The following HERC3 variants were observed in gnomAD, a reference collection of about 807,000 sequenced individuals.
HERC3 encodes HECT and RLD domain containing E3 ubiquitin protein ligase 3.
Under a neutral mutation model 129.9 loss-of-function variants are expected in HERC3, and 58 were observed. That is an observed-to-expected ratio of 0.45 (90% confidence interval 0.36 to 0.56). HERC3 has a LOEUF of 0.56. Among genes scored for constraint, HERC3 ranks in the 20% least tolerant of loss-of-function variants. The pLI is 0.00. For missense variants in HERC3, 835 were observed against 1,244.2 expected, an observed-to-expected ratio of 0.67 and a Z score of 4.95; for synonymous variants, 430 against 451.0, an observed-to-expected ratio of 0.95 and a Z score of 0.59.
chr4:88,654,349 C>CATATTTATAT, intron 7 of HERC3, among the ~76,000 whole-genome samples: 1 of 70,950 alleles, frequency 1.4e-5, no homozygotes, highest in South Asian at 5.5e-4. Flanking sequence ...GTAGATTTTT[C>CATATTTATAT]ATATATATAT....
chr4:88,611,131 G>A (rs1724269426), intron 3 of HERC3, among the ~76,000 whole-genome samples: 1 of 152,232 alleles, frequency 6.6e-6, no homozygotes. Context: ...TCTGTTGTTG[G>A]TTAAGCTTGT....
chr4:88,688,884 T>C (rs1733761414), intron 23 of HERC3, among the ~76,000 whole-genome samples: 1 of 152,124 alleles, frequency 6.6e-6, no homozygotes, highest in African/African-American at 2.4e-5. Flanking sequence ...CTCTTGAGGA[T>C]TTGAGCATAA....
intron 3 of HERC3, among the ~76,000 whole-genome samples, chr4:88,640,391 G>T (rs1727949602): frequency 6.6e-6 from 1 of 152,194 alleles, no homozygotes; most frequent in South Asian, 2.1e-4. Context: ...ATCCTATGCA[G>T]CCATGAAAAG....
At position 88,666,857 on chromosome 4, in the gene HERC3, A is replaced by G. The variant is rs544018093; in HGVS notation, c.1332-520A>G. Among the ~76,000 whole-genome samples the G allele has an allele frequency of 2.0e-5, 3 of 152,202 alleles. No individual in the cohort carries two copies. The South Asian group carries it at 6.2e-4, about 31-fold the overall frequency. The stretch of plus-strand genomic sequence containing the variant: ...TAACGATGAGAGACATTAACTTTGC[A>G]TTTACTATAGATCATTTTTATTTTA... On this transcript the variant is annotated intron_variant, in intron 12 of 25. Coordinates refer to ENST00000402738, the MANE Select transcript of HERC3 (RefSeq NM_014606.3).
chr4:88,568,860 T>C, the HERC3 span, among the ~76,000 whole-genome samples: 1 of 151,816 alleles, frequency 6.6e-6, no homozygotes, highest in Admixed American at 6.5e-5. Context: ...CTATCTACTC[T>C]CCCTTCTCCT....
At chr4:88,648,968 T>C (rs973091342) in intron 3 of HERC3, among the ~76,000 whole-genome samples, 1 of 152,230 alleles carries the variant, frequency 6.6e-6, no homozygotes, top group East Asian at 1.9e-4. Context: ...GTTTGTTTTT[T>C]GAATAATACT....
intron 23 of HERC3, among the ~76,000 whole-genome samples, chr4:88,694,425 G>C (rs1734385144): frequency 6.6e-6 from 1 of 152,136 alleles, no homozygotes; most frequent in African/African-American, 2.4e-5. Context: ...TGAAAATGTA[G>C]AGTGTGTCTT....
intron 3 of HERC3, among the ~76,000 whole-genome samples, chr4:88,640,367 A>G (rs992134933): frequency 1.3e-5 from 2 of 152,222 alleles, no homozygotes; most frequent in Non-Finnish European, 2.9e-5. Context: ...AATGTGATAC[A>G]TATACACCAT....
chr4:88,688,590 C>T (rs1025452341), intron 23 of HERC3, among the ~76,000 whole-genome samples: 4 of 152,074 alleles, frequency 2.6e-5, no homozygotes, highest in Non-Finnish European at 5.9e-5. Flanking sequence ...TAATAGGAAA[C>T]AGAGTCTATA....
rs1301539997 is a variant in HERC3 at position 88,652,990 on chromosome 4, G to A, written c.585G>A (p.Val195=). The A allele has an allele frequency of 6.2e-7, 1 of 1,614,232 alleles. No individual in the cohort carries two copies. Among genetic ancestry groups the A allele is most frequent in the South Asian group, 1.1e-5 (1 of 91,092 alleles). The change falls in exon 6 of 26, where the codon GTG becomes GTA. Residue 195 remains valine, a synonymous_variant. Transcript: ENST00000402738. ...TGGAGGGGATCCCACTGGCTCAGGT[G>A]GCTGCCGGAGGGGCTCACAGCTTTG... ...RSLEGIPLAQ[V]AAGGAHSFAL...
intron 1 of HERC3, among the ~76,000 whole-genome samples, chr4:88,593,007 A>T (rs572636020): frequency 6.6e-6 from 1 of 151,964 alleles, no homozygotes; most frequent in South Asian, 2.1e-4. Context: ...GGTTCCAGGG[A>T]CCTCCGTGCA....
intron 3 of HERC3, among the ~76,000 whole-genome samples, chr4:88,613,169 T>C (rs974690755): frequency 2.6e-5 from 4 of 152,236 alleles, no homozygotes; most frequent in African/African-American, 9.6e-5. Context: ...GGGGCAGTTA[T>C]TTAGTGTAAT....
Position 88,706,741 on chromosome 4 carries a change from G to T in HERC3, c.2945-11G>T, listed in dbSNP as rs755143386. On this transcript the variant is annotated splice_polypyrimidine_tract_variant and intron_variant, in intron 25 of 25. Coordinates refer to ENST00000402738, the MANE Select transcript of HERC3 (RefSeq NM_014606.3). ...TGCTTAGCTGCTAATGCCATTTCTC[G>T]TTCTCCCCAGTGTTCCTGACAGGCA... 1 of 1,612,904 alleles carries T rather than the reference G, an allele frequency of 6.2e-7. No homozygotes were observed. The highest frequency in any genetic ancestry group is 8.5e-7 in the Non-Finnish European group (1 of 1,179,096).
At chr4:88,701,969 A>AT (rs753575863) in intron 23 of HERC3, among the ~76,000 whole-genome samples, 7 of 151,902 alleles carry the variant, frequency 4.6e-5, no homozygotes, top group Non-Finnish European at 7.4e-5. Flanking sequence ...GGCCTGGCTA[A>AT]TTTTTTGTGG....
Position 88,653,034 on chromosome 4 carries a change from C to T in HERC3, c.629C>T (p.Ala210Val). The change falls in exon 6 of 26, where the codon GCT becomes GTT. Residue 210 changes from alanine to valine, a missense_variant. Transcript: ENST00000402738. ...AGCTTTGCCCTGTCTCTCTCAGGAGCTGTTTTTGGCTGGGGGATGAATAAT... is the reference window on the plus strand; with the variant it reads ...AGCTTTGCCCTGTCTCTCTCAGGAGTTGTTTTTGGCTGGGGGATGAATAAT... ...AHSFALSLSGAVFGWGMNNAG... is the reference protein window; with the variant it reads ...AHSFALSLSGVVFGWGMNNAG... The T allele has an allele frequency of 6.2e-7, 1 of 1,614,200 alleles. No individual in the cohort carries two copies.
intron 23 of HERC3, among the ~76,000 whole-genome samples, chr4:88,701,761 A>T: frequency 6.7e-6 from 1 of 150,184 alleles, no homozygotes; most frequent in African/African-American, 2.5e-5. Context: ...TGTTTTTTTT[A>T]TGTTTTTATA....
intron 3 of HERC3, among the ~76,000 whole-genome samples, chr4:88,611,654 G>A (rs1162184337): frequency 2.0e-5 from 3 of 152,176 alleles, no homozygotes; most frequent in African/African-American, 7.2e-5. Flanking sequence ...TAATTCCATG[G>A]TGGCCAACTC....
At chr4:88,557,926 C>T in the HERC3 span, among the ~76,000 whole-genome samples, 1 of 151,488 alleles carries the variant, frequency 6.6e-6, no homozygotes, top group Non-Finnish European at 1.5e-5. Flanking sequence ...ACAAAATTAG[C>T]CAGGCATGGT....
At chr4:88,568,945 A>G in the HERC3 span, among the ~76,000 whole-genome samples, 1 of 151,958 alleles carries the variant, frequency 6.6e-6, no homozygotes, top group South Asian at 2.1e-4. Context: ...GGAGTGATGT[A>G]AACACTCCCT....
Sources: gnomAD v4.1 joint callset for allele counts (sites outside exome capture counted in the v4.1 genomes callset) on GRCh38, gnomAD v4.1.1 for gene constraint, MANE v1.5 for transcripts, NCBI Gene and HGNC (gene_info 2026-07-23, HGNC 2026-07-21) for gene names.